DYNC1I2: variants seen among roughly 807,000 people sequenced by gnomAD.
The protein encoded by DYNC1I2 is dynein cytoplasmic 1 intermediate chain 2.
Under a neutral mutation model 88.6 loss-of-function variants are expected in DYNC1I2, and 53 were observed. That is an observed-to-expected ratio of 0.60 (90% CI 0.48 to 0.75). The LOEUF is 0.75. Among genes scored for constraint, DYNC1I2 ranks in the 30% least tolerant of loss-of-function variants. The pLI, the probability that DYNC1I2 is intolerant of heterozygous loss-of-function variation, is 0.00. For synonymous variants in DYNC1I2, 198 were observed against 254.6 expected (o/e 0.78, Z 2.12); for missense variants, 458 against 766.6 (o/e 0.60, Z 4.75).
rs1170082849 is a variant in DYNC1I2, at chr2:171,721,121, T to TAA, written c.512-4472_512-4471dup. ...AGGCACATAGCAAGACCCCATCTCT[T>TAA]AAAAAAAAAAAAAAAAAAAAAAAAA... is the stretch of plus-strand genomic sequence containing the variant. On this transcript the variant is annotated intron_variant, in intron 7 of 17. Coordinates refer to ENST00000397119, the MANE Select transcript of DYNC1I2 (RefSeq NM_001378.3). Among the ~76,000 whole-genome samples, 188 of 60,784 alleles carry TAA rather than the reference T, an allele frequency of 3.1e-3. 6 individuals carry two copies. Among genetic ancestry groups the TAA allele is most frequent in the South Asian group, 6.1e-3 (9 of 1,478 alleles). The allele number at this position is 60,784 out of a possible 152,430, so 39.9% of individuals were successfully genotyped here.
chr2:171,740,300 T>C (rs1449074034), intron 15 of DYNC1I2, among the ~76,000 whole-genome samples: 2 of 152,208 alleles, frequency 1.3e-5, no homozygotes, highest in Non-Finnish European at 2.9e-5. Context: ...GCTCATTCTA[T>C]AGTACGTGAT....
At chr2:171,723,230 A>T (rs1357106512) in intron 7 of DYNC1I2, among the ~76,000 whole-genome samples, 1 of 152,136 alleles carries the variant, frequency 6.6e-6, no homozygotes, top group Non-Finnish European at 1.5e-5. Flanking sequence ...TTGAAGGAGG[A>T]GAATAAGATG....
chr2:171,730,030 A>G (rs927783858), intron 15 of DYNC1I2, among the ~76,000 whole-genome samples, 177 bp downstream of exon 15: 2 of 152,244 alleles, frequency 1.3e-5, no homozygotes, highest in African/African-American at 4.8e-5. Flanking sequence ...TTTTATAAAA[A>G]TATGCTAACA....
intron 6 of DYNC1I2, 78 bp downstream of exon 6, chr2:171,712,904 T>G (rs1687220952): frequency 7.7e-7 from 1 of 1,293,866 alleles, no homozygotes; most frequent in Admixed American, 1.7e-5. Context: ...TTTATTTTGC[T>G]TAAGTTTATA....
At chr2:171,747,527 G>A (rs1461753545) in intron 17 of DYNC1I2, among the ~76,000 whole-genome samples, 1 of 152,058 alleles carries the variant, frequency 6.6e-6, no homozygotes, top group Non-Finnish European at 1.5e-5. Flanking sequence ...AAGCATCATT[G>A]TTATTCTCTC....
At chr2:171,720,105 T>A (rs971611582) in intron 7 of DYNC1I2, among the ~76,000 whole-genome samples, 1 of 151,874 alleles carries the variant, frequency 6.6e-6, no homozygotes, top group African/African-American at 2.4e-5. Flanking sequence ...CCTAATCTAA[T>A]CAGCTTGTTT....
intron 3 of DYNC1I2, among the ~76,000 whole-genome samples, chr2:171,694,262 C>G (rs1469418844): frequency 1.3e-5 from 2 of 152,016 alleles, no homozygotes; most frequent in African/African-American, 2.4e-5. Flanking sequence ...GTCTCGAACT[C>G]CTGACCTCAT....
chr2:171,706,645 GT>G, intron 4 of DYNC1I2, 81 bp downstream of exon 4: 1 of 1,310,946 alleles, frequency 7.6e-7, no homozygotes, highest in Non-Finnish European at 1.1e-6. Flanking sequence ...AAGGCATGCT[GT>G]TTTATTGCCT....
chr2:171,738,808 G>C (rs1365591269), intron 15 of DYNC1I2, among the ~76,000 whole-genome samples: 1 of 152,160 alleles, frequency 6.6e-6, no homozygotes, highest in Admixed American at 6.5e-5. Context: ...CCCTGCATTT[G>C]TATTTTTCAA....
chr2:171,739,695 TC>T (rs1294133929), intron 15 of DYNC1I2, among the ~76,000 whole-genome samples: 2 of 125,956 alleles, frequency 1.6e-5, no homozygotes, highest in Non-Finnish European at 1.7e-5. Context: ...TTGACATATC[TC>T]TTTTTTTTTT....
In DYNC1I2 at chr2:171,744,223, A is replaced by C. The variant is rs1016334357; in HGVS notation, c.1677+34A>C. ...GAAAATAACAAAAATTGCATTGAAA[A>C]ATAGAAAATTGGATATTTATTGAAT... is the stretch of plus-strand genomic sequence containing the variant. On this transcript the variant is annotated intron_variant, in intron 16 of 17. Coordinates refer to ENST00000397119, the MANE Select transcript of DYNC1I2 (RefSeq NM_001378.3). 5 of 1,559,756 alleles carry C rather than the reference A, an allele frequency of 3.2e-6. No homozygotes were observed. The African/African-American group carries it at 6.9e-5, about 22-fold the overall frequency.
chr2:171,728,459 T>A (rs765763270), intron 13 of DYNC1I2, 41 bp downstream of exon 13: 1 of 1,281,378 alleles, frequency 7.8e-7, no homozygotes, highest in East Asian at 2.4e-5. Flanking sequence ...AGGCAAATGT[T>A]ATGTTTTAAG....
Position 171,732,137 on chromosome 2 carries a change from G to C in DYNC1I2, c.1536+2284G>C, listed in dbSNP as rs980738871. 5.9e-5 allele frequency among the ~76,000 whole-genome samples: 9 copies of C among 152,192 alleles called. No homozygotes were observed. The South Asian group carries it at 1.9e-3, about 32-fold the overall frequency. On this transcript the variant is annotated intron_variant, in intron 15 of 17. Coordinates refer to ENST00000397119, the MANE Select transcript of DYNC1I2 (RefSeq NM_001378.3). The stretch of plus-strand genomic sequence containing the variant: ...TCAGCGCTTTGGGAGTCCAAGGCGG[G>C]TGGATCACCTGAGGTCAGGAGTTTG...
chr2:171,718,497 G>A (rs537511091), intron 7 of DYNC1I2, among the ~76,000 whole-genome samples: 38 of 151,300 alleles, frequency 2.5e-4, no homozygotes, highest in South Asian at 1.3e-3. Flanking sequence ...GCAGTGGCAC[G>A]ATCTTGGCTC....
intron 3 of DYNC1I2, among the ~76,000 whole-genome samples, chr2:171,696,673 A>G (rs112696944): frequency 0.016 from 2,502 of 152,188 alleles, 57 homozygotes; most frequent in African/African-American, 0.053. Flanking sequence ...TCTCAGTGCC[A>G]TTTGTTAGTC....
intron 7 of DYNC1I2, among the ~76,000 whole-genome samples, chr2:171,724,153 CATT>C (rs1312946754): frequency 1.3e-5 from 2 of 152,204 alleles, no homozygotes; most frequent in East Asian, 3.8e-4. Context: ...TGGCATACGT[CATT>C]ATCATTTTGA....
chr2:171,707,253 G>C, intron 4 of DYNC1I2, 34 bp from the exon 5 acceptor site: 1 of 1,613,536 alleles, frequency 6.2e-7, no homozygotes, highest in Non-Finnish European at 8.5e-7. Context: ...TCTCCGTGTA[G>C]TAACAGCGGA....
chr2:171,695,160 C>T (rs112689974), intron 3 of DYNC1I2, among the ~76,000 whole-genome samples: 2,662 of 151,938 alleles, frequency 0.018, 66 homozygotes, highest in African/African-American at 0.056. Context: ...AGTGCAATCA[C>T]GTGATCTCAG....
intron 4 of DYNC1I2, 28 bp from the exon 5 acceptor site, chr2:171,707,259 G>GC: frequency 1.2e-6 from 2 of 1,613,626 alleles, no homozygotes; most frequent in Non-Finnish European, 1.7e-6. Context: ...TGTAGTAACA[G>GC]CGGATACCTG....
Sources: gnomAD v4.1 joint callset for allele counts (sites outside exome capture counted in the v4.1 genomes callset) on GRCh38, gnomAD v4.1.1 for gene constraint, MANE v1.5 for transcripts, NCBI Gene and HGNC (gene_info 2026-07-23, HGNC 2026-07-21) for gene names.